The following MAP2 variants were observed in gnomAD, a reference collection of about 807,000 sequenced individuals.
MAP2 encodes microtubule associated protein 2, also known as microtubule-associated protein 2.
A neutral mutation model predicts 137.6 loss-of-function variants in MAP2; 14 were observed. The ratio of observed to expected loss-of-function variants is 0.10; its 90% CI spans 0.07 to 0.16. The LOEUF (loss-of-function observed/expected upper bound fraction) is 0.16. MAP2 is among the 10% of genes least tolerant of loss of function. The pLI is 1.00. For missense variants in MAP2, 2,088 were observed against 2,191.5 expected, an observed-to-expected ratio of 0.95 and a Z score of 0.94; for synonymous variants, 786 against 782.3, an observed-to-expected ratio of 1.00 and a Z score of -0.08.
At chr2:209,671,834 A>G (rs2048962497) in intron 5 of MAP2, among the ~76,000 whole-genome samples, 1 of 151,858 alleles carries the variant, frequency 6.6e-6, no homozygotes, top group African/African-American at 2.4e-5. Context: ...TCAAGTAATC[A>G]TAGCTGGTCC....
intron 1 of MAP2, among the ~76,000 whole-genome samples, chr2:209,464,914 A>G (rs1340488960): frequency 2.0e-5 from 3 of 152,118 alleles, no homozygotes; most frequent in Non-Finnish European, 2.9e-5. Flanking sequence ...GTATATATGT[A>G]TACTCACACA....
intron 1 of MAP2, among the ~76,000 whole-genome samples, chr2:209,495,410 G>C (rs1479243876): frequency 6.6e-6 from 1 of 152,246 alleles, no homozygotes; most frequent in Non-Finnish European, 1.5e-5. Flanking sequence ...CCCAGTAGGG[G>C]ATGACAGACA....
At chr2:209,667,315 C>T (rs1031439140) in intron 5 of MAP2, among the ~76,000 whole-genome samples, 3 of 151,802 alleles carry the variant, frequency 2.0e-5, no homozygotes, top group Non-Finnish European at 4.4e-5. Flanking sequence ...AGAGTTTTTA[C>T]TTTTACAGTT....
At chr2:209,521,978 G>C (rs2063348918) in intron 2 of MAP2, among the ~76,000 whole-genome samples, 1 of 151,992 alleles carries the variant, frequency 6.6e-6, no homozygotes, top group Admixed American at 6.6e-5. Flanking sequence ...TTAGAGCTTT[G>C]GTTCAGAAAG....
chr2:209,641,312 A>G (rs2094005760), intron 4 of MAP2, among the ~76,000 whole-genome samples: 1 of 152,302 alleles, frequency 6.6e-6, no homozygotes, highest in South Asian at 2.1e-4. Context: ...TCCACACTGG[A>G]AAAAGTTTAA....
At chr2:209,502,024 A>G (rs1490074860) in intron 1 of MAP2, among the ~76,000 whole-genome samples, 1 of 152,148 alleles carries the variant, frequency 6.6e-6, no homozygotes, top group Admixed American at 6.5e-5. Flanking sequence ...ATATATATAT[A>G]CACACACAGT....
At chr2:209,725,861 G>C in intron 14 of MAP2, 71 bp downstream of exon 14, 1 of 977,012 alleles carries the variant, frequency 1.0e-6, no homozygotes. Flanking sequence ...AAAATTTTTT[G>C]TTGTTGCAAA....
intron 1 of MAP2, among the ~76,000 whole-genome samples, chr2:209,497,098 G>T (rs370283972): frequency 9.3e-4 from 141 of 152,258 alleles, no homozygotes; most frequent in African/African-American, 3.2e-3. Context: ...CCTAAATTCT[G>T]TATGGACTGT....
intron 2 of MAP2, among the ~76,000 whole-genome samples, chr2:209,510,361 A>G (rs1249290183): frequency 6.6e-6 from 1 of 152,034 alleles, no homozygotes; most frequent in Non-Finnish European, 1.5e-5. Flanking sequence ...ATTGTTGGAC[A>G]TGCAGACCAT....
rs1286103137 is a variant in MAP2, at chr2:209,593,634, A to AAAAAAATAT, written c.-107+13535_-107+13536insAAAAATATA. ...CCTGTCTCTACAAAAAAAAAAAAAA[A>AAAAAAATAT]ATATATATATATATATATATATATA... On this transcript the variant is annotated intron_variant, in intron 3 of 15. Transcript: ENST00000682079. 7.1e-4 allele frequency among the ~76,000 whole-genome samples: 24 copies of AAAAAAATAT among 33,642 alleles called. 1 individual carries two copies. Among genetic ancestry groups the AAAAAAATAT allele is most frequent in the Admixed American group, 3.2e-3 (6 of 1,852 alleles). 22.1% of individuals were successfully genotyped at this position (33,642 alleles called of 152,430 possible). A position where few individuals can be genotyped will look rare whatever the true frequency, so the allele number is the denominator to read the frequency against.
chr2:209,724,587 G>C (rs1332639969), intron 13 of MAP2, among the ~76,000 whole-genome samples: 1 of 147,354 alleles, frequency 6.8e-6, no homozygotes, highest in African/African-American at 2.6e-5. Flanking sequence ...GCAGTGAAGA[G>C]AGAGAGAGAG....
At chr2:209,621,384 G>C (rs1343128308) in intron 3 of MAP2, among the ~76,000 whole-genome samples, 1 of 149,190 alleles carries the variant, frequency 6.7e-6, no homozygotes, top group Non-Finnish European at 1.5e-5. Context: ...TCAGCTTCCT[G>C]AGTAGCTGGG....
intron 2 of MAP2, among the ~76,000 whole-genome samples, chr2:209,574,253 A>G (rs2074927193): frequency 6.6e-6 from 1 of 152,082 alleles, no homozygotes; most frequent in African/African-American, 2.4e-5. Context: ...AGTTTTGTTC[A>G]CTGTCTGTAT....
At chr2:209,715,724 G>T (rs1191385136) in intron 13 of MAP2, among the ~76,000 whole-genome samples, 2 of 152,180 alleles carry the variant, frequency 1.3e-5, no homozygotes, top group Non-Finnish European at 2.9e-5. Flanking sequence ...CAGGCAAAGG[G>T]AACCACACAT....
chr2:209,445,964 A>G (rs1698954315), intron 1 of MAP2, among the ~76,000 whole-genome samples: 1 of 151,648 alleles, frequency 6.6e-6, no homozygotes, highest in African/African-American at 2.4e-5. Context: ...AGAATACCAT[A>G]AAAAAATCAA....
intron 1 of MAP2, among the ~76,000 whole-genome samples, chr2:209,439,811 C>A (rs1395659376): frequency 6.6e-6 from 1 of 151,282 alleles, no homozygotes; most frequent in Non-Finnish European, 1.5e-5. Context: ...TATGTTATCC[C>A]AGTGCTTGGT....
chr2:209,711,444 TC>T (rs1231492894), intron 13 of MAP2, among the ~76,000 whole-genome samples: 1 of 152,086 alleles, frequency 6.6e-6, no homozygotes, highest in East Asian at 1.9e-4. Context: ...TTAAGAAAAA[TC>T]AACCAATGGG....
chr2:209,730,328 G>C lies in MAP2; in HGVS notation c.5415G>C (p.Leu1805=). The C allele has an allele frequency of 1.2e-6, 2 of 1,614,084 alleles. No homozygotes were observed. The highest frequency in any genetic ancestry group is 1.7e-6 in the Non-Finnish European group (2 of 1,179,998). The change falls in exon 16 of 16, where the codon CTG becomes CTC. Residue 1805 remains leucine, a synonymous_variant. Coordinates refer to ENST00000682079, the MANE Select transcript of MAP2 (RefSeq NM_001375505.1). ...SNVSSSGSIN[L]LESPQLATLA... ...TCTCCTCGTCTGGAAGCATCAACCT[G>C]CTCGAATCTCCTCAGCTTGCCACTT... is the stretch of plus-strand genomic sequence containing the variant.
intron 1 of MAP2, among the ~76,000 whole-genome samples, chr2:209,462,965 G>A (rs187680943): frequency 1.4e-4 from 21 of 152,038 alleles, no homozygotes; most frequent in African/African-American, 4.8e-4. Flanking sequence ...CTGCTCTTCT[G>A]TCAACTCCCA....
Sources: allele counts gnomAD v4.1 joint callset (sites outside exome capture counted in the v4.1 genomes callset), GRCh38; gene constraint gnomAD v4.1.1; transcripts MANE v1.5; gene names NCBI Gene and HGNC (gene_info 2026-07-23, HGNC 2026-07-21).